The following CNKSR2 variants were observed in gnomAD, a reference collection of about 807,000 sequenced individuals.
The protein encoded by CNKSR2 is connector enhancer of kinase suppressor of Ras 2, also known as CNK homolog protein 2.
CNKSR2 carries 14 observed loss-of-function variants against 84.4 expected under a neutral mutation model. The observed-to-expected ratio is 0.17, with a 90% confidence interval of 0.11 to 0.26. The LOEUF is 0.26. CNKSR2 is among the 10% of genes least tolerant of loss of function. The probability of loss-of-function intolerance (pLI) is 1.00; values close to 1 mark genes in which losing one functional copy is unlikely to be tolerated. For synonymous variants in CNKSR2, 275 were observed against 277.9 expected, an observed-to-expected ratio of 0.99 and a Z score of 0.10; for missense variants, 485 against 771.2, an observed-to-expected ratio of 0.63 and a Z score of 4.40.
chrX:21,395,294 C>A (rs1325947596), intron 1 of CNKSR2, among the ~76,000 whole-genome samples: 2 of 111,581 alleles, frequency 1.8e-5, no homozygotes, highest in Non-Finnish European at 3.8e-5. Context: ...TAAGAGCTTT[C>A]TTTTAATCCG....
intron 4 of CNKSR2, among the ~76,000 whole-genome samples, chrX:21,465,173 G>C (rs1238296949): frequency 9.0e-6 from 1 of 111,666 alleles, no homozygotes; most frequent in Non-Finnish European, 1.9e-5. Flanking sequence ...TTTTTAATGG[G>C]ATCTTTTGTT....
intron 8 of CNKSR2, among the ~76,000 whole-genome samples, chrX:21,514,786 C>T (rs2091710205): frequency 9.0e-6 from 1 of 111,328 alleles, no homozygotes; most frequent in Non-Finnish European, 1.9e-5. Flanking sequence ...TTCCTAAACT[C>T]TTTGTATAAG....
intron 4 of CNKSR2, among the ~76,000 whole-genome samples, chrX:21,460,657 A>G (rs1221012731): frequency 2.7e-5 from 3 of 111,020 alleles, no homozygotes; most frequent in African/African-American, 9.8e-5. Context: ...CTAACTGTAT[A>G]TTTTTTGTAC....
intron 2 of CNKSR2, chrX:21,428,261 TTC>T (rs1394871014): frequency 8.9e-6 from 1 of 112,118 alleles, no homozygotes; most frequent in African/African-American, 3.2e-5. Context: ...AGCATAATTT[TTC>T]TCTTACCTGC....
chrX:21,619,078 T>C (rs980590858), intron 20 of CNKSR2, among the ~76,000 whole-genome samples: 14 of 112,087 alleles, frequency 1.2e-4, no homozygotes, highest in Non-Finnish European at 2.5e-4. Context: ...TTATCACTTA[T>C]GCAAAATTTA....
intron 20 of CNKSR2, among the ~76,000 whole-genome samples, chrX:21,628,299 C>A (rs1281634011): frequency 1.8e-5 from 2 of 111,480 alleles, no homozygotes; most frequent in Non-Finnish European, 3.8e-5. Context: ...TGAGTGTCTG[C>A]AGCTTTTCCA....
intron 8 of CNKSR2, among the ~76,000 whole-genome samples, chrX:21,508,785 T>A (rs1428566004): frequency 8.9e-6 from 1 of 112,024 alleles, no homozygotes; most frequent in Admixed American, 9.5e-5. Flanking sequence ...AAGTGATAGG[T>A]TACAGGAGAT....
intron 4 of CNKSR2, among the ~76,000 whole-genome samples, chrX:21,441,633 C>G (rs1468291649): frequency 9.0e-6 from 1 of 111,560 alleles, no homozygotes; most frequent in Non-Finnish European, 1.9e-5. Context: ...AGCTTACGAA[C>G]AGTTAATGTT....
chrX:21,511,274 A>G (rs908251802), intron 8 of CNKSR2, among the ~76,000 whole-genome samples: 5 of 111,648 alleles, frequency 4.5e-5, no homozygotes, highest in East Asian at 5.6e-4. Flanking sequence ...CAGAATGTCT[A>G]TTACAGCTTT....
intron 13 of CNKSR2, among the ~76,000 whole-genome samples, chrX:21,567,227 A>G (rs1020799143): frequency 8.0e-5 from 9 of 111,864 alleles, no homozygotes; most frequent in Non-Finnish European, 1.1e-4. Flanking sequence ...TTTTAATTAT[A>G]TATTTATGTG....
intron 20 of CNKSR2, among the ~76,000 whole-genome samples, chrX:21,625,143 C>T (rs765420201): frequency 1.4e-4 from 16 of 112,176 alleles, no homozygotes; most frequent in African/African-American, 4.5e-4. Context: ...AAATGCACAT[C>T]GTATTCTAAA....
At chrX:21,404,024 C>A (rs1460657668) in intron 1 of CNKSR2, among the ~76,000 whole-genome samples, 1 of 112,005 alleles carries the variant, frequency 8.9e-6, no homozygotes, top group Non-Finnish European at 1.9e-5. Flanking sequence ...TAGAAACATG[C>A]AGCAATATGT....
In CNKSR2 at chrX:21,585,772, G is replaced by A. The variant is rs935733323; in HGVS notation, c.1609-4800G>A. Among the ~76,000 whole-genome samples the A allele has an allele frequency of 6.3e-5, 7 of 111,093 alleles. No individual in the cohort carries two copies. The South Asian group carries it at 1.1e-3, about 18-fold the overall frequency. On this transcript the variant is annotated intron_variant, in intron 13 of 21. Coordinates refer to ENST00000379510, the MANE Select transcript of CNKSR2 (RefSeq NM_014927.5). Reference sequence around the variant, plus strand: ...TTTATGGAACATTCTTAGAAAGTTCGAAGAACTTTCACCCAGATGCTCACT... The same window carrying A: ...TTTATGGAACATTCTTAGAAAGTTCAAAGAACTTTCACCCAGATGCTCACT...
intron 5 of CNKSR2, among the ~76,000 whole-genome samples, chrX:21,478,247 T>C (rs1198418615): frequency 8.9e-6 from 1 of 112,091 alleles, no homozygotes; most frequent in African/African-American, 3.2e-5. Context: ...TGTCATATTA[T>C]ATTATTTTCA....
intron 20 of CNKSR2, among the ~76,000 whole-genome samples, chrX:21,610,673 C>T (rs766185251): frequency 8.7e-4 from 98 of 112,022 alleles, no homozygotes; most frequent in African/African-American, 3.1e-3. Context: ...AGAGTGTAGC[C>T]TTCAGCCCAT....
At chrX:21,545,621 T>C (rs941587905) in intron 11 of CNKSR2, among the ~76,000 whole-genome samples, 4 of 111,853 alleles carry the variant, frequency 3.6e-5, no homozygotes, top group African/African-American at 1.3e-4. Context: ...TGCCTCCTTA[T>C]TGGGAGACAC....
intron 20 of CNKSR2, among the ~76,000 whole-genome samples, chrX:21,621,483 C>T (rs945279708): frequency 9.0e-6 from 1 of 111,011 alleles, no homozygotes; most frequent in Non-Finnish European, 1.9e-5. Context: ...TTTAATAATC[C>T]TCCAAAATTC....
intron 11 of CNKSR2, among the ~76,000 whole-genome samples, chrX:21,560,819 C>A (rs186752775): frequency 5.4e-5 from 6 of 111,080 alleles, no homozygotes; most frequent in East Asian, 2.8e-4. Context: ...AGGATACAGA[C>A]CCAGGGGGAA....
chrX:21,419,364 T>C (rs1199663470), intron 1 of CNKSR2, among the ~76,000 whole-genome samples: 1 of 111,414 alleles, frequency 9.0e-6, no homozygotes, highest in Non-Finnish European at 1.9e-5. Context: ...CTACCTGAAA[T>C]GTCACATATC....
Sources: allele counts gnomAD v4.1 joint callset (sites outside exome capture counted in the v4.1 genomes callset), GRCh38; gene constraint gnomAD v4.1.1; transcripts MANE v1.5; gene names NCBI Gene and HGNC (gene_info 2026-07-23, HGNC 2026-07-21).